The following LIPK variants were observed in gnomAD, a reference collection of about 807,000 sequenced individuals.
LIPK encodes the protein lipase member K.
In LIPK, 32 loss-of-function variants were observed where a neutral mutation model predicts 48.6. That is an observed-to-expected ratio of 0.66 (90% CI 0.50 to 0.88). The LOEUF (loss-of-function observed/expected upper bound fraction) is 0.88, where lower values mean the gene tolerates loss of function less well. Among genes scored for constraint, LIPK ranks in the 40% least tolerant of loss-of-function variants. LIPK has a pLI of 0.00. For synonymous variants in LIPK, 164 were observed against 157.4 expected (o/e 1.04, Z -0.32); for missense variants, 507 against 478.5 (o/e 1.06, Z -0.56).
intron 1 of LIPK, among the ~76,000 whole-genome samples, chr10:88,716,352 A>ATTTTT (rs370607671): frequency 5.8e-5 from 5 of 85,620 alleles, no homozygotes; most frequent in Non-Finnish European, 8.6e-5. Flanking sequence ...ATTCAGGAAA[A>ATTTTT]TTTCTTTTTT....
At chr10:88,724,490 G>A in intron 1 of LIPK, 43 bp from the exon 2 acceptor site, 1 of 1,203,962 alleles carries the variant, frequency 8.3e-7, no homozygotes, top group Non-Finnish European at 1.2e-6. Flanking sequence ...TCACTTCGTA[G>A]AATTTATCTT....
intron 4 of LIPK, among the ~76,000 whole-genome samples, chr10:88,731,481 G>T (rs906394129): frequency 6.6e-6 from 1 of 152,210 alleles, no homozygotes; most frequent in African/African-American, 2.4e-5. Flanking sequence ...AAGCAACAGT[G>T]CTGCCAGCAG....
intron 3 of LIPK, among the ~76,000 whole-genome samples, chr10:88,729,258 G>GGGGT (rs1554955650): frequency 9.1e-6 from 1 of 110,178 alleles, no homozygotes; most frequent in Admixed American, 9.2e-5. Context: ...CTGTTGGGGG[G>GGGGT]GGGGGGCGGG....
At chr10:88,718,354 T>C (rs1005378125) in intron 1 of LIPK, among the ~76,000 whole-genome samples, 19 of 148,534 alleles carry the variant, frequency 1.3e-4, no homozygotes, top group Non-Finnish European at 2.7e-4. Flanking sequence ...ATTTTATATA[T>C]ATACTTTAGA....
chr10:88,734,736 T>A (rs1461379691), intron 6 of LIPK, among the ~76,000 whole-genome samples: 2 of 152,212 alleles, frequency 1.3e-5, no homozygotes, highest in African/African-American at 4.8e-5. Flanking sequence ...ATTATGGGGT[T>A]ATTGTTAACA....
chr10:88,728,528 A>G (rs1554955471), intron 3 of LIPK: 1 of 313,878 alleles, frequency 3.2e-6, no homozygotes, highest in Non-Finnish European at 6.4e-6. Context: ...CTGAGCCTGC[A>G]GAGCTGGAGG....
chr10:88,749,161 A>T (rs1842822029), intron 9 of LIPK, among the ~76,000 whole-genome samples: 1 of 152,240 alleles, frequency 6.6e-6, no homozygotes, highest in African/African-American at 2.4e-5. Flanking sequence ...CATGGATAGG[A>T]AGAATCAATA....
At chr10:88,728,734 T>C (rs1192913434) in intron 3 of LIPK, 3 of 289,348 alleles carry the variant, frequency 1.0e-5, no homozygotes, top group Non-Finnish European at 2.1e-5. Context: ...CCAGGTGGGC[T>C]GGGCTCGGCC....
At chr10:88,736,477 C>T (rs1448161258) in intron 6 of LIPK, among the ~76,000 whole-genome samples, 1 of 152,132 alleles carries the variant, frequency 6.6e-6, no homozygotes, top group Non-Finnish European at 1.5e-5. Context: ...ATGAGCTTCT[C>T]TTTTAAAATT....
At chr10:88,725,857 A>G (rs1177708187) in intron 2 of LIPK, among the ~76,000 whole-genome samples, 1 of 152,212 alleles carries the variant, frequency 6.6e-6, no homozygotes, top group African/African-American at 2.4e-5. Flanking sequence ...TCTCTGCCCA[A>G]GAGGCTGAAC....
intron 1 of LIPK, among the ~76,000 whole-genome samples, chr10:88,717,735 C>T (rs1842146887): frequency 6.6e-6 from 1 of 152,142 alleles, no homozygotes. Context: ...AATATCTCAT[C>T]TGGAAATATA....
Position 88,710,970 on chromosome 10 carries a change from G to T in LIPK, c.-12+4650G>T, listed in dbSNP as rs140842984. On this transcript the variant is annotated intron_variant, in intron 1 of 9. Transcript: ENST00000404190. ...AGCTCCTCATCTTCCCCAACATTTG[G>T]TGCAGTTGATGTTAGCTAGTCTAGT... 9.2e-3 allele frequency among the ~76,000 whole-genome samples: 1,406 copies of T among 152,134 alleles called. 5 individuals are homozygous for T. Among genetic ancestry groups the T allele is most frequent in the Non-Finnish European group, 0.015 (999 of 67,982 alleles).
At chr10:88,711,027 CTT>C (rs1017242618) in intron 1 of LIPK, among the ~76,000 whole-genome samples, 3 of 152,170 alleles carry the variant, frequency 2.0e-5, no homozygotes, top group Non-Finnish European at 2.9e-5. Context: ...TAGGGTTTAA[CTT>C]TGCATTTCTT....
chr10:88,711,648 A>C (rs971620007), intron 1 of LIPK, among the ~76,000 whole-genome samples: 13 of 151,748 alleles, frequency 8.6e-5, no homozygotes, highest in African/African-American at 2.4e-5. Context: ...TTAATTTTTG[A>C]ATTTTTAGTA....
intron 9 of LIPK, among the ~76,000 whole-genome samples, chr10:88,748,253 C>T (rs471419): frequency 3.3e-5 from 5 of 151,934 alleles, no homozygotes; most frequent in Admixed American, 6.6e-5. Context: ...AACACACAGC[C>T]GGGCCTGTGT....
At chr10:88,739,577 C>A (rs561181806) in intron 7 of LIPK, among the ~76,000 whole-genome samples, 6 of 151,846 alleles carry the variant, frequency 4.0e-5, no homozygotes, top group African/African-American at 1.2e-4. Context: ...GAAAAGACGC[C>A]AGGTGCAGTG....
chr10:88,720,564 TTAAA>T (rs1473808735), intron 1 of LIPK, among the ~76,000 whole-genome samples: 2 of 152,058 alleles, frequency 1.3e-5, no homozygotes, highest in African/African-American at 2.4e-5. Flanking sequence ...TTAAATAAAG[TTAAA>T]TAGAGTCTTG....
At position 88,732,165 on chromosome 10, in the gene LIPK, T is replaced by G. The variant is rs754774822; in HGVS notation, c.423-13T>G. 1.3e-6 allele frequency: 2 copies of G among 1,573,746 alleles called. No homozygotes were observed. The highest frequency in any genetic ancestry group is 3.5e-5 in the Admixed American group (2 of 57,200). On this transcript the variant is annotated splice_polypyrimidine_tract_variant and intron_variant, in intron 4 of 9. Transcript: ENST00000404190. ...GATGACTTTTCTAATTTGTTATTCC[T>G]TCTTTTTGATAGTTTGGATGAGATG...
chr10:88,752,659 C>G lies in LIPK; in HGVS notation c.1103C>G (p.Pro368Arg). 1 of 1,576,064 alleles carries G rather than the reference C, an allele frequency of 6.3e-7. No individual in the cohort carries two copies. The highest frequency in any genetic ancestry group is 8.6e-7 in the Non-Finnish European group (1 of 1,158,662). Residue 368 changes from proline to arginine, a missense_variant, in exon 10 of 10, where the codon CCA (proline) becomes CGA (arginine). Coordinates refer to ENST00000404190, the MANE Select transcript of LIPK (RefSeq NM_001080518.2). ...IANLIYYKLIPHYNHVDFYLG... is the reference protein window; with the variant it reads ...IANLIYYKLIRHYNHVDFYLG... ...AACCTTATTTATTACAAGCTGATTC[C>G]ACACTACAATCATGTGGATTTTTAC...
Sources: allele counts gnomAD v4.1 joint callset (sites outside exome capture counted in the v4.1 genomes callset), GRCh38; gene constraint gnomAD v4.1.1; transcripts MANE v1.5; gene names NCBI Gene and HGNC (gene_info 2026-07-23, HGNC 2026-07-21).